The following ZNF609 variants were observed in gnomAD, a reference collection of about 807,000 sequenced individuals.
ZNF609 encodes zinc finger protein 609.
ZNF609 carries 11 observed loss-of-function variants against 109.5 expected under a neutral mutation model. That is an observed-to-expected ratio of 0.10 (90% CI 0.06 to 0.17). The LOEUF (loss-of-function observed/expected upper bound fraction) is 0.17. Among genes scored for constraint, ZNF609 ranks in the 10% least tolerant of loss-of-function variants. The probability of loss-of-function intolerance (pLI) is 1.00; values close to 1 mark genes in which losing one functional copy is unlikely to be tolerated. For synonymous variants in ZNF609, 646 were observed against 662.0 expected (o/e 0.98, Z 0.37); for missense variants, 1,559 against 1,772.4 (o/e 0.88, Z 2.16).
At chr15:64,516,859 G>C (rs1228119070) in intron 2 of ZNF609, among the ~76,000 whole-genome samples, 1 of 152,002 alleles carries the variant, frequency 6.6e-6, no homozygotes, top group Non-Finnish European at 1.5e-5. Context: ...GAATTAATCA[G>C]GCTACCGAAC....
chr15:64,632,315 A>G (rs1314300493), intron 3 of ZNF609, among the ~76,000 whole-genome samples: 4 of 152,056 alleles, frequency 2.6e-5, no homozygotes, highest in Non-Finnish European at 4.4e-5. Context: ...TCACCTCCCA[A>G]AATGCTGGTA....
intron 2 of ZNF609, chr15:64,500,659 A>G (rs923313814): frequency 1.9e-5 from 10 of 533,416 alleles, no homozygotes; most frequent in East Asian, 6.3e-5. Context: ...ATTTCATGGC[A>G]TATCTACGAA....
chr15:64,476,063 T>C (rs945544763), intron 1 of ZNF609, among the ~76,000 whole-genome samples: 1 of 152,134 alleles, frequency 6.6e-6, no homozygotes, highest in African/African-American at 2.4e-5. Context: ...TCCGAGCTGA[T>C]AGAAAACTTG....
intron 2 of ZNF609, among the ~76,000 whole-genome samples, chr15:64,582,756 T>TTTC (rs1895130637): frequency 8.2e-6 from 1 of 122,316 alleles, no homozygotes. Context: ...AGTCTTTTTT[T>TTTC]TTTTTTTTTT....
At chr15:64,564,741 G>T (rs1028344287) in intron 2 of ZNF609, among the ~76,000 whole-genome samples, 1 of 151,838 alleles carries the variant, frequency 6.6e-6, no homozygotes, top group Non-Finnish European at 1.5e-5. Context: ...AACCAGATAC[G>T]TATAAGAGCA....
At chr15:64,510,072 A>G (rs575486069) in intron 2 of ZNF609, among the ~76,000 whole-genome samples, 3 of 152,352 alleles carry the variant, frequency 2.0e-5, no homozygotes, top group East Asian at 1.9e-4. Flanking sequence ...ACCCCATTTC[A>G]TCTCATCCCA....
chr15:64,528,679 G>A, intron 2 of ZNF609: 1 of 1,165,290 alleles, frequency 8.6e-7, no homozygotes, highest in Non-Finnish European at 1.3e-6. Flanking sequence ...ACTCCTTGGA[G>A]GCATTGTGGG....
At chr15:64,466,788 C>T (rs1350217176) in intron 1 of ZNF609, among the ~76,000 whole-genome samples, 2 of 152,096 alleles carry the variant, frequency 1.3e-5, no homozygotes, top group Non-Finnish European at 2.9e-5. Flanking sequence ...CAGTAGTTTG[C>T]TTCCTTTTAC....
At chr15:64,665,962 C>G (rs771506049) in intron 3 of ZNF609, among the ~76,000 whole-genome samples, 1 of 151,452 alleles carries the variant, frequency 6.6e-6, no homozygotes, top group Non-Finnish European at 1.5e-5. Context: ...CAAATGCCAG[C>G]TACTCAGGAG....
intron 2 of ZNF609, among the ~76,000 whole-genome samples, chr15:64,552,349 G>A (rs1894496655): frequency 1.3e-5 from 2 of 152,040 alleles, no homozygotes; most frequent in African/African-American, 4.8e-5. Flanking sequence ...TGCAAGGTAT[G>A]GATTAAAATG....
chr15:64,482,719 A>G (rs1450022293), intron 1 of ZNF609, among the ~76,000 whole-genome samples: 1 of 152,342 alleles, frequency 6.6e-6, no homozygotes, highest in South Asian at 2.1e-4. Flanking sequence ...GAAAAATCAC[A>G]TATGACAGAT....
chr15:64,637,879 CTTTTTTAAA>C (rs1445129551), intron 3 of ZNF609, among the ~76,000 whole-genome samples: 1 of 150,458 alleles, frequency 6.6e-6, no homozygotes, highest in Admixed American at 6.6e-5. Flanking sequence ...TCTATTTTAT[CTTTTTTAAA>C]TTTTTTGTTT....
chr15:64,655,392 T>C (rs1406272244), intron 3 of ZNF609, among the ~76,000 whole-genome samples: 16 of 151,708 alleles, frequency 1.1e-4, no homozygotes, highest in Admixed American at 1.1e-3. Flanking sequence ...GCCAAGATCG[T>C]GCCATTGCAC....
chr15:64,537,393 C>T (rs1395657978), intron 2 of ZNF609, among the ~76,000 whole-genome samples: 1 of 151,212 alleles, frequency 6.6e-6, no homozygotes, highest in Non-Finnish European at 1.5e-5. Flanking sequence ...CCCAGCTACT[C>T]GGGAGGCTGA....
intron 3 of ZNF609, among the ~76,000 whole-genome samples, chr15:64,668,912 A>G (rs578018765): frequency 1.4e-5 from 2 of 138,550 alleles, no homozygotes; most frequent in Non-Finnish European, 3.1e-5. Context: ...AGATCACACC[A>G]TTGCACTCCA....
rs879650135 is a variant in ZNF609 at position 64,683,485 on chromosome 15, TTC to T, written c.*1801_*1802del. 7.2e-5 allele frequency: 11 copies of T among 152,696 alleles called. No homozygotes were observed. Among genetic ancestry groups the T allele is most frequent in the African/African-American group, 2.2e-4 (9 of 41,452 alleles). The allele number at this position is 152,696 out of a possible 1,614,324, so 9.5% of individuals were successfully genotyped here. The stretch of plus-strand genomic sequence containing the variant: ...CCTCCTCGTTTTTGTTCAAGTTGGG[TTC>T]TGAGTCCTCCCCAAAAACCATTGTT... On this transcript the variant is annotated 3_prime_UTR_variant, in exon 10 of 10. Transcript: ENST00000326648.
chr15:64,662,208 G>A (rs183685474), intron 3 of ZNF609, among the ~76,000 whole-genome samples: 6 of 152,274 alleles, frequency 3.9e-5, no homozygotes, highest in Admixed American at 3.9e-4. Flanking sequence ...TCATCCCTAA[G>A]GGAAGAAATC....
intron 1 of ZNF609, among the ~76,000 whole-genome samples, chr15:64,497,432 C>G (rs1181263781): frequency 6.6e-6 from 1 of 152,138 alleles, no homozygotes; most frequent in African/African-American, 2.4e-5. Flanking sequence ...GACATCTTTT[C>G]TTGCCCCTAC....
At chr15:64,511,297 C>T (rs1420434057) in intron 2 of ZNF609, among the ~76,000 whole-genome samples, 3 of 151,738 alleles carry the variant, frequency 2.0e-5, no homozygotes, top group Non-Finnish European at 4.4e-5. Context: ...CATGGTGAAA[C>T]TCTATCACTA....
Sources: allele counts gnomAD v4.1 joint callset (sites outside exome capture counted in the v4.1 genomes callset), GRCh38; gene constraint gnomAD v4.1.1; transcripts MANE v1.5; gene names NCBI Gene and HGNC (gene_info 2026-07-23, HGNC 2026-07-21).